GBE1: variants seen among roughly 807,000 people sequenced by gnomAD.
GBE1 encodes the protein 1,4-alpha-glucan-branching enzyme.
GBE1 carries 70 observed loss-of-function variants against 88.8 expected under a neutral mutation model. The ratio of observed to expected loss-of-function variants is 0.79; its 90% CI spans 0.65 to 0.96. The LOEUF (loss-of-function observed/expected upper bound fraction) is 0.96. Among genes scored for constraint, GBE1 ranks in the 40% least tolerant of loss-of-function variants. The probability of loss-of-function intolerance (pLI) is 0.00; values close to 1 mark genes in which losing one functional copy is unlikely to be tolerated. For synonymous variants in GBE1, 284 were observed against 300.1 expected (o/e 0.95, Z 0.56); for missense variants, 872 against 871.0 (o/e 1.00, Z -0.01).
rs537326693 is a variant in GBE1 at position 81,611,222 on chromosome 3, G to A, written c.993-17199C>T. Among the ~76,000 whole-genome samples, 12 of 152,212 alleles carry A rather than the reference G, an allele frequency of 7.9e-5. No individual in the cohort carries two copies. In the South Asian group the frequency reaches 2.1e-3, roughly 26 times the overall value. On this transcript the variant is annotated intron_variant, in intron 7 of 15. Coordinates refer to ENST00000429644, the MANE Select transcript of GBE1 (RefSeq NM_000158.4). ...ATAAAATAGCAAACAAGGATGTGGC[G>A]GATGCATTCCTGTACTGGGCAATGG...
intron 2 of GBE1, among the ~76,000 whole-genome samples, chr3:81,679,532 T>C (rs576380420): frequency 1.2e-4 from 19 of 152,348 alleles, no homozygotes; most frequent in Non-Finnish European, 2.1e-4. Context: ...TAGTTACATA[T>C]GGTCCTTGGG....
chr3:81,693,179 C>T (rs917422513), intron 2 of GBE1, among the ~76,000 whole-genome samples: 9 of 152,110 alleles, frequency 5.9e-5, no homozygotes, highest in Non-Finnish European at 1.2e-4. Flanking sequence ...GGACATATAC[C>T]TCAAACTTTC....
intron 14 of GBE1, among the ~76,000 whole-genome samples, chr3:81,523,935 T>C (rs1039293651): frequency 2.0e-5 from 3 of 151,862 alleles, no homozygotes; most frequent in African/African-American, 2.4e-5. Flanking sequence ...ATCTTGGCTA[T>C]AGTGAACAGT....
intron 10 of GBE1, among the ~76,000 whole-genome samples, chr3:81,582,009 T>C (rs1011295157): frequency 6.6e-6 from 1 of 152,084 alleles, no homozygotes; most frequent in Non-Finnish European, 1.5e-5. Flanking sequence ...TGTGAAACTC[T>C]TGCTTTATAT....
chr3:81,504,506 GT>G (rs528353225), intron 14 of GBE1, among the ~76,000 whole-genome samples: 1,831 of 146,638 alleles, frequency 0.012, 21 homozygotes, highest in Non-Finnish European at 0.019. Context: ...TTTTTTAATA[GT>G]TTTTTTTTTT....
intron 14 of GBE1, among the ~76,000 whole-genome samples, chr3:81,513,001 T>A (rs1702746078): frequency 1.3e-5 from 2 of 151,246 alleles, no homozygotes; most frequent in South Asian, 4.2e-4. Context: ...TATACTAGAG[T>A]TTTTCAGTTT....
intron 12 of GBE1, among the ~76,000 whole-genome samples, chr3:81,553,006 C>T (rs548730194): frequency 1.2e-4 from 18 of 152,258 alleles, no homozygotes; most frequent in African/African-American, 4.1e-4. Flanking sequence ...GACTAGTATT[C>T]GAACTTAGAT....
intron 7 of GBE1, among the ~76,000 whole-genome samples, chr3:81,625,894 T>A (rs1704408314): frequency 1.3e-5 from 2 of 152,184 alleles, no homozygotes; most frequent in Non-Finnish European, 2.9e-5. Context: ...CAGAGAAACT[T>A]CTGATGGGCT....
chr3:81,737,916 A>C lies in GBE1; in HGVS notation c.143+23459T>G, dbSNP rs568793230. Among the ~76,000 whole-genome samples the C allele has an allele frequency of 6.8e-3, 1,034 of 151,488 alleles. 7 individuals carry two copies. The highest frequency in any genetic ancestry group is 0.024 in the African/African-American group (971 of 41,156). On this transcript the variant is annotated intron_variant, in intron 1 of 15. Coordinates refer to ENST00000429644, the MANE Select transcript of GBE1 (RefSeq NM_000158.4). ...ATTCCTCCCCCCTTCCCCCACCCCAAAACAGTCCCCAGAGTGTGATGTTCC... is the reference window on the plus strand; with the variant it reads ...ATTCCTCCCCCCTTCCCCCACCCCACAACAGTCCCCAGAGTGTGATGTTCC...
At chr3:81,724,634 A>C (rs1441018783) in intron 1 of GBE1, among the ~76,000 whole-genome samples, 2 of 152,202 alleles carry the variant, frequency 1.3e-5, no homozygotes, top group Non-Finnish European at 2.9e-5. Context: ...TTTAATAGTC[A>C]CAACATCTTA....
intron 2 of GBE1, among the ~76,000 whole-genome samples, chr3:81,704,500 C>T (rs895749238): frequency 1.3e-5 from 2 of 152,016 alleles, no homozygotes; most frequent in South Asian, 2.1e-4. Flanking sequence ...TTACCCACCA[C>T]CCCAACCCCT....
At chr3:81,748,524 T>A (rs1036912345) in intron 1 of GBE1, among the ~76,000 whole-genome samples, 6 of 151,748 alleles carry the variant, frequency 4.0e-5, no homozygotes, top group Non-Finnish European at 8.8e-5. Context: ...GGCAGGAGAA[T>A]GGCGTGAACC....
intron 7 of GBE1, among the ~76,000 whole-genome samples, chr3:81,601,495 T>C (rs527610208): frequency 1.8e-4 from 28 of 152,314 alleles, no homozygotes; most frequent in Admixed American, 1.0e-3. Flanking sequence ...GTGGTCATAC[T>C]AGCTGTATTA....
intron 15 of GBE1, among the ~76,000 whole-genome samples, chr3:81,493,886 A>G (rs1702469320): frequency 6.6e-6 from 1 of 151,840 alleles, no homozygotes; most frequent in African/African-American, 2.4e-5. Context: ...TAACATATGC[A>G]CTGCAATATA....
Position 81,549,369 on chromosome 3 carries a change from G to A in GBE1, c.1619-12274C>T, listed in dbSNP as rs144579952. 5.9e-3 allele frequency among the ~76,000 whole-genome samples: 900 copies of A among 151,610 alleles called. 19 individuals are homozygous for A. The highest frequency in any genetic ancestry group is 0.017 in the African/African-American group (707 of 41,472). ...TGGTAATACAGTTATTTGCATAAGT[G>A]CAATAAGAATCTGTTTCCTTTTGTA... On this transcript the variant is annotated intron_variant, in intron 12 of 15. Coordinates refer to ENST00000429644, the MANE Select transcript of GBE1 (RefSeq NM_000158.4).
chr3:81,755,151 C>T (rs370465386), intron 1 of GBE1, among the ~76,000 whole-genome samples: 4 of 151,850 alleles, frequency 2.6e-5, no homozygotes, highest in African/African-American at 9.7e-5. Flanking sequence ...TTAAAATGGG[C>T]GAAAGATCTG....
intron 15 of GBE1, among the ~76,000 whole-genome samples, chr3:81,493,727 G>T (rs140575781): frequency 6.6e-6 from 1 of 151,634 alleles, no homozygotes; most frequent in African/African-American, 2.4e-5. Flanking sequence ...GTAGACACGG[G>T]GTTTCTCCAT....
chr3:81,708,012 A>T (rs1404477065), intron 1 of GBE1, among the ~76,000 whole-genome samples: 1 of 152,028 alleles, frequency 6.6e-6, no homozygotes, highest in African/African-American at 2.4e-5. Context: ...AATAACTACC[A>T]TTTTAAAAAA....
intron 7 of GBE1, among the ~76,000 whole-genome samples, chr3:81,629,623 T>C (rs1704476747): frequency 6.6e-6 from 1 of 152,296 alleles, no homozygotes; most frequent in East Asian, 1.9e-4. Flanking sequence ...TATACCTGTG[T>C]CATTCAATGC....
Sources: gnomAD v4.1 joint callset for allele counts (sites outside exome capture counted in the v4.1 genomes callset) on GRCh38, gnomAD v4.1.1 for gene constraint, MANE v1.5 for transcripts, NCBI Gene and HGNC (gene_info 2026-07-23, HGNC 2026-07-21) for gene names.